ADCY1: variants seen among roughly 807,000 people sequenced by gnomAD.
ADCY1 encodes the protein adenylate cyclase type 1.
A neutral mutation model predicts 105.4 loss-of-function variants in ADCY1; 28 were observed. The ratio of observed to expected loss-of-function variants is 0.27; its 90% CI spans 0.20 to 0.36. The LOEUF (loss-of-function observed/expected upper bound fraction) is 0.36, where lower values mean the gene tolerates loss of function less well. ADCY1 is among the 10% of genes least tolerant of loss of function. ADCY1 has a pLI of 1.00. For synonymous variants in ADCY1, 655 were observed against 623.8 expected (o/e 1.05, Z -0.75); for missense variants, 977 against 1,434.2 (o/e 0.68, Z 5.15).
chr7:45,699,443 T>G (rs1784949765), intron 14 of ADCY1, among the ~76,000 whole-genome samples: 1 of 152,138 alleles, frequency 6.6e-6, no homozygotes, highest in Non-Finnish European at 1.5e-5. Context: ...TCAAGGAGAT[T>G]AGGTAGACTG....
At chr7:45,632,761 G>A (rs903038410) in intron 4 of ADCY1, among the ~76,000 whole-genome samples, 1 of 151,596 alleles carries the variant, frequency 6.6e-6, no homozygotes, top group Non-Finnish European at 1.5e-5. Flanking sequence ...GTAGAGACAG[G>A]GTCTCACCAT....
At chr7:45,586,262 G>C (rs1792721880) in intron 1 of ADCY1, among the ~76,000 whole-genome samples, 1 of 152,084 alleles carries the variant, frequency 6.6e-6, no homozygotes, top group African/African-American at 2.4e-5. Context: ...TGGAACTGAG[G>C]TGCCAGTGGT....
Position 45,722,209 on chromosome 7 carries a change from G to A in ADCY1, c.*8214G>A, listed in dbSNP as rs1006530586. ...CATACAACTGTCCACTAGGAGGCACGCCCAGTGTGGGAGAGATGTATGGTC... is the reference window on the plus strand; with the variant it reads ...CATACAACTGTCCACTAGGAGGCACACCCAGTGTGGGAGAGATGTATGGTC... On this transcript the variant is annotated 3_prime_UTR_variant, in exon 20 of 20. Transcript: ENST00000297323. 8 of 205,800 alleles carry A rather than the reference G, an allele frequency of 3.9e-5. No homozygotes were observed. The highest frequency in any genetic ancestry group is 1.4e-4 in the African/African-American group (6 of 43,788). The allele number at this position is 205,800 out of a possible 1,614,324, so 12.7% of individuals were successfully genotyped here. A position where few individuals can be genotyped will look rare whatever the true frequency, so the allele number is the denominator to read the frequency against.
chr7:45,713,617 A>G, intron 19 of ADCY1, 76 bp from the exon 20 acceptor site: 1 of 719,606 alleles, frequency 1.4e-6, no homozygotes, highest in Non-Finnish European at 2.6e-6. Context: ...CAGATGCAGG[A>G]TGGAGTGTTT....
chr7:45,595,250 G>A lies in ADCY1; in HGVS notation c.789+2342G>A, dbSNP rs13231888. Among the ~76,000 whole-genome samples the A allele has an allele frequency of 7.0e-3, 1,061 of 152,264 alleles. 8 individuals carry two copies. Among genetic ancestry groups the A allele is most frequent in the Non-Finnish European group, 0.013 (883 of 68,028 alleles). On this transcript the variant is annotated intron_variant, in intron 2 of 19. Coordinates refer to ENST00000297323, the MANE Select transcript of ADCY1 (RefSeq NM_021116.4). Reference sequence around the variant, plus strand: ...CCAACCACTGCATCAGCAGCAGTGGGGAGCCTGTTAGGAATGCAGATTACC... The same window carrying A: ...CCAACCACTGCATCAGCAGCAGTGGAGAGCCTGTTAGGAATGCAGATTACC...
chr7:45,591,305 C>G lies in ADCY1; in HGVS notation c.640-1454C>G, dbSNP rs1359210479. 6.6e-6 allele frequency among the ~76,000 whole-genome samples: 1 copy of G among 152,210 alleles called. No individual in the cohort carries two copies. The highest frequency in any genetic ancestry group is 2.4e-5 in the African/African-American group (1 of 41,460). The stretch of plus-strand genomic sequence containing the variant: ...TCCCTCCTAGAGCCGTCTGGGGGCC[C>G]CATCCTGCTGCCTGTAGCTTGGCCC... On this transcript the variant is annotated intron_variant, in intron 1 of 19. Coordinates refer to ENST00000297323, the MANE Select transcript of ADCY1 (RefSeq NM_021116.4). This position sits in a 1 kb window ranked among gnomAD's most constrained non-coding sequence, Gnocchi z 4.1.
intron 4 of ADCY1, 74 bp from the exon 5 acceptor site, chr7:45,648,596 G>A (rs1794728700): frequency 1.9e-6 from 3 of 1,590,754 alleles, no homozygotes; most frequent in Non-Finnish European, 2.6e-6. Flanking sequence ...GTGTCTAGAG[G>A]TGGTGGAGCC....
At position 45,592,884 on chromosome 7, in the gene ADCY1, G is replaced by A. The variant is rs1339336598; in HGVS notation, c.765G>A (p.Arg255=). Residue 255 remains arginine, a synonymous_variant, in exon 2 of 20, where the codon AGG becomes AGA. Coordinates refer to ENST00000297323, the MANE Select transcript of ADCY1 (RefSeq NM_021116.4). ...GGAGCTGCATTGAGGACCGACTGAG[G>A]CTGGAGGATGAGAACGAGAAGCAGG... ...QARSCIEDRL[R]LEDENEKQER... 3 of 1,614,120 alleles carry A rather than the reference G, an allele frequency of 1.9e-6. No individual in the cohort carries two copies. Among genetic ancestry groups the A allele is most frequent in the Non-Finnish European group, 1.7e-6 (2 of 1,180,058 alleles).
At chr7:45,666,022 C>A (rs752081257) in intron 8 of ADCY1, among the ~76,000 whole-genome samples, 1 of 152,140 alleles carries the variant, frequency 6.6e-6, no homozygotes, top group Non-Finnish European at 1.5e-5. Context: ...TTGCTGTGCT[C>A]GCTCGCACCA....
At chr7:45,576,501 C>T (rs967484849) in intron 1 of ADCY1, among the ~76,000 whole-genome samples, 3 of 151,868 alleles carry the variant, frequency 2.0e-5, no homozygotes, top group Non-Finnish European at 4.4e-5. Context: ...AAGAGGGCGT[C>T]GGAGGAAGAG....
chr7:45,695,952 C>T (rs1238017449), intron 14 of ADCY1, among the ~76,000 whole-genome samples: 2 of 152,222 alleles, frequency 1.3e-5, no homozygotes, highest in Non-Finnish European at 2.9e-5. Context: ...AAAATAGCAC[C>T]TCAATTCCTC....
At chr7:45,610,304 C>G (rs1793498459) in intron 2 of ADCY1, 75 bp from the exon 3 acceptor site, 1 of 1,375,528 alleles carries the variant, frequency 7.3e-7, no homozygotes, top group Non-Finnish European at 1.0e-6. Flanking sequence ...GGCGCCCTTA[C>G]TGGGGAGGGT....
chr7:45,621,162 C>G (rs1793878204), intron 3 of ADCY1, among the ~76,000 whole-genome samples: 1 of 152,248 alleles, frequency 6.6e-6, no homozygotes, highest in South Asian at 2.1e-4. Flanking sequence ...ACCTCCCAGG[C>G]TCAAGTGATC....
chr7:45,631,825 C>T (rs778586251), intron 4 of ADCY1, among the ~76,000 whole-genome samples: 3 of 152,208 alleles, frequency 2.0e-5, no homozygotes, highest in Admixed American at 6.5e-5. Flanking sequence ...CTCTGCATCT[C>T]AGAGTAAGGT....
At chr7:45,712,358 A>G (rs1362201812) in intron 19 of ADCY1, among the ~76,000 whole-genome samples, 1 of 150,610 alleles carries the variant, frequency 6.6e-6, no homozygotes, top group Non-Finnish European at 1.5e-5. Context: ...TGGGAGCCCC[A>G]TCCTGCCCAC....
At chr7:45,637,674 A>G (rs1048327234) in intron 4 of ADCY1, among the ~76,000 whole-genome samples, 3 of 152,220 alleles carry the variant, frequency 2.0e-5, no homozygotes, top group Admixed American at 6.5e-5. Context: ...GCAGCGAACT[A>G]TGATCACATC....
chr7:45,598,527 C>T (rs1793136307), intron 2 of ADCY1, among the ~76,000 whole-genome samples: 1 of 152,048 alleles, frequency 6.6e-6, no homozygotes. Flanking sequence ...GCAGATAAAG[C>T]AGGGATTAAA....
At chr7:45,597,477 T>C (rs1472161790) in intron 2 of ADCY1, among the ~76,000 whole-genome samples, 1 of 152,242 alleles carries the variant, frequency 6.6e-6, no homozygotes, top group African/African-American at 2.4e-5. Flanking sequence ...CAGTGTTGGC[T>C]TTTACCAGCC....
rs1303778798 is a variant in ADCY1, at chr7:45,686,778, G to T, written c.2454+105G>T. On this transcript the variant is annotated intron_variant, in intron 14 of 19. Transcript: ENST00000297323. This position sits in a 1 kb window ranked among gnomAD's most constrained non-coding sequence, Gnocchi z 4.3. Reference sequence around the variant, plus strand: ...TGCCACAGACACCCACACGCCGTATGGCCCTCGGAGGGCCCTCCTCAGCAG... The same window carrying T: ...TGCCACAGACACCCACACGCCGTATTGCCCTCGGAGGGCCCTCCTCAGCAG... 7 of 1,448,870 alleles carry T rather than the reference G, an allele frequency of 4.8e-6. No homozygotes were observed. The East Asian group carries it at 1.7e-4, about 35-fold the overall frequency. 89.8% of individuals were successfully genotyped at this position (1,448,870 alleles called of 1,614,324 possible).
Sources: allele counts gnomAD v4.1 joint callset (sites outside exome capture counted in the v4.1 genomes callset), GRCh38; gene constraint gnomAD v4.1.1; non-coding constraint Gnocchi (gnomAD v3.1); transcripts MANE v1.5; gene names NCBI Gene and HGNC (gene_info 2026-07-23, HGNC 2026-07-21).